RABL2A: variants seen among roughly 807,000 people sequenced by gnomAD.
The protein encoded by RABL2A is rab-like protein 2A.
A neutral mutation model predicts 30.7 loss-of-function variants in RABL2A; 17 were observed. The ratio of observed to expected loss-of-function variants is 0.55; its 90% CI spans 0.38 to 0.83. RABL2A has a LOEUF of 0.83. Among genes scored for constraint, RABL2A ranks in the 40% least tolerant of loss-of-function variants. The pLI, the probability that RABL2A is intolerant of heterozygous loss-of-function variation, is 0.00. For missense variants in RABL2A, 155 were observed against 272.6 expected (o/e 0.57, Z 3.04); for synonymous variants, 64 against 101.8 (o/e 0.63, Z 2.24).
intron 3 of RABL2A, 139 bp downstream of exon 3, chr2:113,633,083 T>C (rs1436431381): frequency 7.3e-7 from 1 of 1,369,352 alleles, no homozygotes; most frequent in Admixed American, 1.8e-5. Context: ...ACAGGTTTTG[T>C]TCTGCACTTG....
chr2:113,631,448 C>T lies in RABL2A; in HGVS notation c.108-1467C>T, dbSNP rs1435791271. The stretch of plus-strand genomic sequence containing the variant: ...TCACACCATGTGACTCCCTGGGTCC[C>T]AAGCTCTCATTATCCTGAGGGAGTT... On this transcript the variant is annotated intron_variant, in intron 2 of 8. Transcript: ENST00000683472. Among the ~76,000 whole-genome samples, 9 of 152,276 alleles carry T rather than the reference C, an allele frequency of 5.9e-5. No homozygotes were observed. The East Asian group carries it at 1.7e-3, about 29-fold the overall frequency.
intron 5 of RABL2A, among the ~76,000 whole-genome samples, chr2:113,636,602 ACAGATGGCATCTCTCAGTGGGGAAC>A (rs1227352897): frequency 6.6e-6 from 1 of 152,108 alleles, no homozygotes; most frequent in African/African-American, 2.4e-5. Flanking sequence ...GAGGGAAGAA[ACAGATGGCATCTCTCAGTGGGGAAC>A]CAGAATCATA....
chr2:113,640,870 T>G, intron 5 of RABL2A, 24 bp from the exon 6 acceptor site: 1 of 1,613,838 alleles, frequency 6.2e-7, no homozygotes. Context: ...ACCTGAGCTA[T>G]CTTTCTTCCT....
chr2:113,636,866 G>T (rs1368852839), intron 5 of RABL2A, among the ~76,000 whole-genome samples: 2 of 151,994 alleles, frequency 1.3e-5, no homozygotes, highest in African/African-American at 4.8e-5. Context: ...GCGGGCGCCT[G>T]TAGTCCCAGC....
At chr2:113,634,054 G>A in intron 3 of RABL2A, 99 bp from the exon 4 acceptor site, 1 of 1,454,658 alleles carries the variant, frequency 6.9e-7, no homozygotes, top group Non-Finnish European at 9.4e-7. Context: ...CCAAAGAGAA[G>A]AGGAGGGAGA....
intron 5 of RABL2A, among the ~76,000 whole-genome samples, chr2:113,638,846 A>G (rs925336450): frequency 1.3e-5 from 2 of 152,014 alleles, no homozygotes; most frequent in African/African-American, 4.8e-5. Context: ...GAGCCAAGAT[A>G]CCGCCACTGC....
At chr2:113,639,492 C>T (rs1490384897) in intron 5 of RABL2A, among the ~76,000 whole-genome samples, 2 of 151,298 alleles carry the variant, frequency 1.3e-5, no homozygotes, top group African/African-American at 4.9e-5. Flanking sequence ...CATGGTGGTG[C>T]GCACCTGTAA....
intron 3 of RABL2A, 42 bp downstream of exon 3, chr2:113,632,986 T>C (rs1168626583): frequency 6.2e-7 from 1 of 1,614,052 alleles, no homozygotes; most frequent in Non-Finnish European, 8.5e-7. Flanking sequence ...CCTGTGGGTC[T>C]TCCCACGCTC....
intron 2 of RABL2A, among the ~76,000 whole-genome samples, chr2:113,629,833 C>A (rs556972506): frequency 6.6e-6 from 1 of 152,104 alleles, no homozygotes; most frequent in Non-Finnish European, 1.5e-5. Flanking sequence ...CCACCGCGCC[C>A]GGCCTCTGGT....
At chr2:113,635,693 AAGG>A (rs1239170992) in intron 5 of RABL2A, among the ~76,000 whole-genome samples, 7 of 152,220 alleles carry the variant, frequency 4.6e-5, no homozygotes, top group Non-Finnish European at 8.8e-5. Context: ...AGAAAGGAGA[AAGG>A]AGCTCTGTAA....
rs1438361534 is a variant in RABL2A at position 113,642,278 on chromosome 2, G to A, written c.*149G>A. 60 of 1,473,746 alleles carry A rather than the reference G, an allele frequency of 4.1e-5. No individual in the cohort carries two copies. In the East Asian group the frequency reaches 6.0e-4, roughly 15 times the overall value. 91.3% of individuals were successfully genotyped at this position (1,473,746 alleles called of 1,614,324 possible). On this transcript the variant is annotated 3_prime_UTR_variant, in exon 9 of 9. Coordinates refer to ENST00000683472, the MANE Select transcript of RABL2A (RefSeq NM_001306158.2). ...TATTAGCCTCCCACATTCAAGGCCC[G>A]TGATACAGGGATGAGGTCAGCACCA...
chr2:113,637,393 C>A, intron 5 of RABL2A: 1 of 1,044,834 alleles, frequency 9.6e-7, no homozygotes, highest in Non-Finnish European at 1.2e-6. Context: ...CTGATCCCTT[C>A]CACAACATGG....
intron 5 of RABL2A, among the ~76,000 whole-genome samples, chr2:113,639,264 T>C (rs1684179310): frequency 6.6e-6 from 1 of 150,556 alleles, no homozygotes; most frequent in Admixed American, 6.6e-5. Context: ...CCAGCCTGGC[T>C]GACAGAGTAA....
intron 5 of RABL2A, chr2:113,639,875 C>T (rs1239233876): frequency 8.2e-6 from 1 of 122,574 alleles, no homozygotes. Flanking sequence ...AAAAATCGGG[C>T]AGTTGTGATG....
At chr2:113,633,487 C>G in intron 3 of RABL2A, 1 of 203,356 alleles carries the variant, frequency 4.9e-6, no homozygotes, top group East Asian at 1.2e-4. Context: ...TGAGAGGAGC[C>G]CCTGGAGCCT....
Position 113,642,395 on chromosome 2 carries a change from C to T in RABL2A, c.*266C>T. On this transcript the variant is annotated 3_prime_UTR_variant, in exon 9 of 9. Transcript: ENST00000683472. ...CATTAACACCTTCCCCACCCCCTCCCCCCAGGCAGACAGTGAAGAGAATCA... is the reference window on the plus strand; with the variant it reads ...CATTAACACCTTCCCCACCCCCTCCTCCCAGGCAGACAGTGAAGAGAATCA... 2.9e-6 allele frequency: 2 copies of T among 679,586 alleles called. No individual in the cohort carries two copies. The highest frequency in any genetic ancestry group is 4.7e-6 in the Non-Finnish European group (2 of 425,130). 42.1% of individuals were successfully genotyped at this position (679,586 alleles called of 1,614,324 possible). A position where few individuals can be genotyped will look rare whatever the true frequency, so the allele number is the denominator to read the frequency against.
Position 113,643,179 on chromosome 2 carries a change from T to A in RABL2A, c.*1050T>A. ...CTATTTCAGCATAAAGAGGCTGTCC[T>A]TTTTTTTTAGGAATAGTTTGGACCT... On this transcript the variant is annotated 3_prime_UTR_variant, in exon 9 of 9. Coordinates refer to ENST00000683472, the MANE Select transcript of RABL2A (RefSeq NM_001306158.2). The A allele has an allele frequency of 2.3e-6, 1 of 442,522 alleles. No homozygotes were observed. Among genetic ancestry groups the A allele is most frequent in the Non-Finnish European group, 4.5e-6 (1 of 221,244 alleles). The allele number at this position is 442,522 out of a possible 1,614,324, so 27.4% of individuals were successfully genotyped here. A position where few individuals can be genotyped will look rare whatever the true frequency, so the allele number is the denominator to read the frequency against.
At chr2:113,629,495 C>G (rs1679431788) in intron 2 of RABL2A, among the ~76,000 whole-genome samples, 1 of 151,816 alleles carries the variant, frequency 6.6e-6, no homozygotes, top group South Asian at 2.1e-4. Flanking sequence ...CTCTCTCTCT[C>G]TTCCCCACCA....
chr2:113,635,109 C>T lies in RABL2A; in HGVS notation c.276C>T (p.His92=). The part of the protein sequence containing the change: ...RFQSMHASYY[H]KAHACIMVFD... The stretch of plus-strand genomic sequence containing the variant: ...AGAGCATGCATGCCTCCTACTACCA[C>T]AAGGCCCATGCCTGCATCATGGTAC... The change falls in exon 5 of 9, where the codon CAC becomes CAT. Residue 92 remains histidine, a synonymous_variant. Transcript: ENST00000683472. The T allele has an allele frequency of 3.7e-6, 6 of 1,614,212 alleles. No homozygotes were observed. Among genetic ancestry groups the T allele is most frequent in the Non-Finnish European group, 5.1e-6 (6 of 1,180,034 alleles).
Sources: gnomAD v4.1 joint callset for allele counts (sites outside exome capture counted in the v4.1 genomes callset) on GRCh38, gnomAD v4.1.1 for gene constraint, MANE v1.5 for transcripts, NCBI Gene and HGNC (gene_info 2026-07-23, HGNC 2026-07-21) for gene names.